Variants in HACD3 observed in about 807,000 individuals in gnomAD.
The protein encoded by HACD3 is 3-hydroxyacyl-CoA dehydratase 3.
A neutral mutation model predicts 55.2 loss-of-function variants in HACD3; 30 were observed. That is an observed-to-expected ratio of 0.54 (90% confidence interval 0.41 to 0.74). The LOEUF (loss-of-function observed/expected upper bound fraction) is 0.74, where lower values mean the gene tolerates loss of function less well. Ranked by LOEUF, HACD3 falls within the 30% of genes least tolerant of loss-of-function variation. The pLI is 0.00. For synonymous variants in HACD3, 141 were observed against 151.7 expected (o/e 0.93, Z 0.52); for missense variants, 363 against 440.1 (o/e 0.82, Z 1.57).
At position 65,560,365 on chromosome 15, in the gene HACD3, CTT is replaced by C. The variant is rs571864582; in HGVS notation, c.421+1635_421+1636del. ...CTCAACAATGACTCTGTCAAAGCCT[CTT>C]GTTTCTTCCTTTACTCTGTAATTGG... On this transcript the variant is annotated intron_variant, in intron 5 of 10. Coordinates refer to ENST00000261875, the MANE Select transcript of HACD3 (RefSeq NM_016395.4). Among the ~76,000 whole-genome samples, 23 of 152,312 alleles carry C rather than the reference CTT, an allele frequency of 1.5e-4. No individual in the cohort carries two copies. The South Asian group carries it at 4.4e-3, about 29-fold the overall frequency.
intron 2 of HACD3, chr15:65,552,009 CT>C (rs1306907807): frequency 3.2e-6 from 1 of 311,156 alleles, no homozygotes; most frequent in African/African-American, 2.2e-5. Context: ...AATTCTGCCG[CT>C]ATCTTGGACA....
intron 1 of HACD3, among the ~76,000 whole-genome samples, chr15:65,544,649 A>G (rs998963012): frequency 6.6e-6 from 1 of 152,208 alleles, no homozygotes; most frequent in Non-Finnish European, 1.5e-5. Context: ...AATTAAAAAA[A>G]GGGAGAGGAG....
At chr15:65,560,327 C>T (rs893019798) in intron 5 of HACD3, among the ~76,000 whole-genome samples, 8 of 152,136 alleles carry the variant, frequency 5.3e-5, no homozygotes, top group Non-Finnish European at 1.2e-4. Flanking sequence ...TTTTCTTTAC[C>T]CTACTCCTTT....
At position 65,530,665 on chromosome 15, in the gene HACD3, TG is replaced by T; in HGVS notation, c.37del (p.Ala13LeufsTer13). 6.3e-7 allele frequency: 1 copy of T among 1,582,992 alleles called. No individual in the cohort carries two copies. On this transcript the variant is annotated frameshift_variant, in exon 1 of 11. Coordinates refer to ENST00000261875, the MANE Select transcript of HACD3 (RefSeq NM_016395.4). LOFTEE classifies it high-confidence loss of function. ...ENQVLTPHVY[W>X]AQRHRELYLR... ...TCAGGTGTTGACGCCGCATGTCTAC[TG>T]GGCTCAGCGACACCGCGAGCTATAT...
chr15:65,551,530 T>A, intron 1 of HACD3, 146 bp from the exon 2 acceptor site: 1 of 884,480 alleles, frequency 1.1e-6, no homozygotes. Context: ...GAGATGTGAA[T>A]AAATGACTAA....
chr15:65,549,615 A>T (rs1184838799), intron 1 of HACD3, among the ~76,000 whole-genome samples: 2 of 150,664 alleles, frequency 1.3e-5, no homozygotes, highest in Admixed American at 1.3e-4. Flanking sequence ...AAAAAAAAAA[A>T]AAAAAGATCA....
At chr15:65,552,843 T>TC (rs1211463223) in intron 2 of HACD3, among the ~76,000 whole-genome samples, 1 of 134,366 alleles carries the variant, frequency 7.4e-6, no homozygotes, top group Non-Finnish European at 1.6e-5. Flanking sequence ...CCCTCCCCAC[T>TC]CCCCCCACCC....
Position 65,577,676 on chromosome 15 carries a change from AG to A in HACD3, c.*1298del, listed in dbSNP as rs11325309. On this transcript the variant is annotated 3_prime_UTR_variant, in exon 11 of 11. Transcript: ENST00000261875. ...GTCCATTTACTTGTGTACTTGTTCTAGTGAGTGGTGGGACTGTACATTTTTG... is the reference window on the plus strand; with the variant it reads ...GTCCATTTACTTGTGTACTTGTTCTATGAGTGGTGGGACTGTACATTTTTG... 0.035 allele frequency: 5,378 copies of A among 152,288 alleles called. 332 individuals are homozygous for A. Among genetic ancestry groups the A allele is most frequent in the African/African-American group, 0.12 (5,101 of 41,530 alleles). 9.4% of individuals were successfully genotyped at this position (152,288 alleles called of 1,614,324 possible). A position where few individuals can be genotyped will look rare whatever the true frequency, so the allele number is the denominator to read the frequency against.
chr15:65,573,919 C>T (rs552666724), intron 10 of HACD3, among the ~76,000 whole-genome samples: 1 of 152,260 alleles, frequency 6.6e-6, no homozygotes, highest in South Asian at 2.1e-4. Context: ...ATAAGACAAG[C>T]TCCTAACTAT....
intron 8 of HACD3, among the ~76,000 whole-genome samples, chr15:65,571,198 G>C (rs1333357101): frequency 6.6e-6 from 1 of 151,974 alleles, no homozygotes; most frequent in African/African-American, 2.4e-5. Flanking sequence ...CTTTAATTTT[G>C]GTAACAACTC....
At chr15:65,553,978 T>A (rs2072161553) in intron 2 of HACD3, among the ~76,000 whole-genome samples, 3 of 152,230 alleles carry the variant, frequency 2.0e-5, no homozygotes, top group African/African-American at 7.2e-5. Flanking sequence ...GGTACTTCCC[T>A]CCTAGTTCCA....
At position 65,577,458 on chromosome 15, in the gene HACD3, T is replaced by C. The variant is rs1044698272; in HGVS notation, c.*1079T>C. On this transcript the variant is annotated 3_prime_UTR_variant, in exon 11 of 11. Coordinates refer to ENST00000261875, the MANE Select transcript of HACD3 (RefSeq NM_016395.4). ...CAAACCACACACACACAAACACACA[T>C]ACACACACACACACACGAGGTCCAA... The C allele has an allele frequency of 2.8e-4, 42 of 150,454 alleles. No homozygotes were observed. The highest frequency in any genetic ancestry group is 7.8e-4 in the East Asian group (4 of 5,140). The allele number at this position is 150,454 out of a possible 1,614,324, so 9.3% of individuals were successfully genotyped here. A position where few individuals can be genotyped will look rare whatever the true frequency, so the allele number is the denominator to read the frequency against.
chr15:65,568,715 G>A (rs111707674), intron 7 of HACD3, among the ~76,000 whole-genome samples: 1,885 of 152,120 alleles, frequency 0.012, 40 homozygotes, highest in African/African-American at 0.043. Context: ...GCAAAAGGTC[G>A]AGAATATTCT....
chr15:65,559,943 G>A (rs920878704), intron 5 of HACD3, among the ~76,000 whole-genome samples: 1 of 152,076 alleles, frequency 6.6e-6, no homozygotes, highest in African/African-American at 2.4e-5. Context: ...TCTTTATGGT[G>A]GGGAAGTGTA....
intron 8 of HACD3, among the ~76,000 whole-genome samples, chr15:65,571,114 G>T (rs1057039069): frequency 6.6e-6 from 1 of 152,124 alleles, no homozygotes; most frequent in African/African-American, 2.4e-5. Context: ...TGTTTGAGAA[G>T]GAACATTTAT....
Position 65,562,533 on chromosome 15 carries a change from A to G in HACD3, c.422-241A>G, listed in dbSNP as rs143733469. ...TTGGGTTTGTTATGTCTGTATACCT[A>G]TTCTTCAAGGCTGGGAAAGGAAGTC... On this transcript the variant is annotated intron_variant, in intron 5 of 10. Coordinates refer to ENST00000261875, the MANE Select transcript of HACD3 (RefSeq NM_016395.4). Among the ~76,000 whole-genome samples the G allele has an allele frequency of 2.0e-3, 303 of 152,112 alleles. 1 individual carries two copies. Among genetic ancestry groups the G allele is most frequent in the African/African-American group, 7.0e-3 (292 of 41,516 alleles).
intron 4 of HACD3, among the ~76,000 whole-genome samples, chr15:65,557,115 A>G (rs1179112840): frequency 1.3e-5 from 2 of 152,236 alleles, no homozygotes; most frequent in African/African-American, 4.8e-5. Flanking sequence ...TCTTACAACT[A>G]GACTAAGGTG....
chr15:65,539,433 C>G (rs1008041687), intron 1 of HACD3, among the ~76,000 whole-genome samples: 3 of 152,052 alleles, frequency 2.0e-5, no homozygotes, highest in Admixed American at 2.0e-4. Context: ...GTTGGCCATG[C>G]TGGTCTCGAA....
In HACD3 at chr15:65,549,426, G is replaced by GAAAAAAA. The variant is rs34149100; in HGVS notation, c.88-2232_88-2226dup. ...TATGGTGTAATCCCATCTCTGCTGG[G>GAAAAAAA]AAAAAAAAAAAAAAAAAAAAAAAAT... On this transcript the variant is annotated intron_variant, in intron 1 of 10. Transcript: ENST00000261875. Among the ~76,000 whole-genome samples the GAAAAAAA allele has an allele frequency of 4.0e-3, 443 of 110,978 alleles. 3 individuals are homozygous for GAAAAAAA. Among genetic ancestry groups the GAAAAAAA allele is most frequent in the African/African-American group, 0.014 (432 of 29,900 alleles). 72.8% of individuals were successfully genotyped at this position (110,978 alleles called of 152,430 possible).
Sources: gnomAD v4.1 joint callset for allele counts (sites outside exome capture counted in the v4.1 genomes callset) on GRCh38, gnomAD v4.1.1 for gene constraint, MANE v1.5 for transcripts, NCBI Gene and HGNC (gene_info 2026-07-23, HGNC 2026-07-21) for gene names.